PLPPR1: variants seen among roughly 807,000 people sequenced by gnomAD.
PLPPR1 encodes phospholipid phosphatase-related protein type 1.
In PLPPR1, 10 loss-of-function variants were observed where a neutral mutation model predicts 33.1. That is an observed-to-expected ratio of 0.30 (90% CI 0.19 to 0.51). PLPPR1 has a LOEUF of 0.51. Among genes scored for constraint, PLPPR1 ranks in the 20% least tolerant of loss-of-function variants. The pLI, the probability that PLPPR1 is intolerant of heterozygous loss-of-function variation, is 0.97. For synonymous variants in PLPPR1, 151 were observed against 151.0 expected (o/e 1.00, Z 0.00); for missense variants, 304 against 408.1 (o/e 0.74, Z 2.20).
chr9:101,207,900 C>G (rs1826619508), intron 2 of PLPPR1, among the ~76,000 whole-genome samples: 1 of 152,098 alleles, frequency 6.6e-6, no homozygotes, highest in Non-Finnish European at 1.5e-5. Flanking sequence ...GGAAAGGTCT[C>G]AAATGAAAAG....
chr9:101,315,948 T>C (rs1829043312), intron 6 of PLPPR1, among the ~76,000 whole-genome samples: 1 of 152,218 alleles, frequency 6.6e-6, no homozygotes. Flanking sequence ...TACCACATGC[T>C]GTATGCTTTA....
At chr9:101,241,083 C>T (rs1398925247) in intron 2 of PLPPR1, among the ~76,000 whole-genome samples, 3 of 152,022 alleles carry the variant, frequency 2.0e-5, no homozygotes, top group Admixed American at 2.0e-4. Flanking sequence ...TTATAATTTT[C>T]TAAAAATAAT....
rs530034460 is a variant in PLPPR1 at position 101,033,883 on chromosome 9, G to A, written c.-46+4781G>A. Among the ~76,000 whole-genome samples, 6 of 152,254 alleles carry A rather than the reference G, an allele frequency of 3.9e-5. No individual in the cohort carries two copies. The South Asian group carries it at 1.2e-3, about 32-fold the overall frequency. Reference sequence around the variant, plus strand: ...TACAAGCAATTTCCTTTCATCAAATGTATAAATTACCAGGATGATTTTAAG... The same window carrying A: ...TACAAGCAATTTCCTTTCATCAAATATATAAATTACCAGGATGATTTTAAG... On this transcript the variant is annotated intron_variant, in intron 1 of 7. Coordinates refer to ENST00000374874, the MANE Select transcript of PLPPR1 (RefSeq NM_207299.2).
chr9:101,300,738 C>G (rs1828736654), intron 4 of PLPPR1, among the ~76,000 whole-genome samples: 2 of 152,204 alleles, frequency 1.3e-5, no homozygotes, highest in South Asian at 4.1e-4. Context: ...TTGGTAGCTA[C>G]ATTTTTTTCT....
At chr9:101,118,280 G>T (rs888903756) in intron 1 of PLPPR1, among the ~76,000 whole-genome samples, 1 of 152,188 alleles carries the variant, frequency 6.6e-6, no homozygotes, top group African/African-American at 2.4e-5. Context: ...GTTTAGTGGG[G>T]CTGAGCTGAG....
At chr9:101,068,346 C>T (rs1245707020) in intron 1 of PLPPR1, among the ~76,000 whole-genome samples, 2 of 151,758 alleles carry the variant, frequency 1.3e-5, no homozygotes, top group East Asian at 3.9e-4. Flanking sequence ...GATGGAAGCC[C>T]GAGGGGAAGA....
intron 1 of PLPPR1, among the ~76,000 whole-genome samples, chr9:101,034,988 T>C (rs946582408): frequency 6.6e-6 from 1 of 152,160 alleles, no homozygotes; most frequent in Non-Finnish European, 1.5e-5. Context: ...AGTTGCCCAC[T>C]TCTCACACCT....
At chr9:101,139,003 A>G (rs16919946) in intron 1 of PLPPR1, among the ~76,000 whole-genome samples, 2,713 of 152,264 alleles carry the variant, frequency 0.018, 75 homozygotes, top group African/African-American at 0.062. Flanking sequence ...TGTTTTTACC[A>G]TTAGAACTCA....
intron 5 of PLPPR1, among the ~76,000 whole-genome samples, 165 bp from the exon 6 acceptor site, chr9:101,312,633 T>C (rs184564502): frequency 6.6e-6 from 1 of 152,314 alleles, no homozygotes; most frequent in Admixed American, 6.5e-5. Context: ...ACCTAAATAA[T>C]TTATTAAATA....
intron 1 of PLPPR1, among the ~76,000 whole-genome samples, chr9:101,059,572 A>G (rs1402676657): frequency 6.6e-6 from 1 of 152,146 alleles, no homozygotes; most frequent in African/African-American, 2.4e-5. Context: ...TATATCTGAT[A>G]AGAGGTTAAT....
rs144284111 is a variant in PLPPR1 at position 101,063,655 on chromosome 9, G to A, written c.-46+34553G>A. Among the ~76,000 whole-genome samples, 41 of 152,070 alleles carry A rather than the reference G, an allele frequency of 2.7e-4. No homozygotes were observed. The East Asian group carries it at 7.0e-3, about 26-fold the overall frequency. On this transcript the variant is annotated intron_variant, in intron 1 of 7. Coordinates refer to ENST00000374874, the MANE Select transcript of PLPPR1 (RefSeq NM_207299.2). ...GATCCTGGCATATTTACATCTCAGG[G>A]CCTTTGTCTATGTTGTTCCTCTTCT...
intron 1 of PLPPR1, among the ~76,000 whole-genome samples, chr9:101,122,026 G>T (rs1001237117): frequency 6.6e-6 from 1 of 152,194 alleles, no homozygotes. Context: ...TAGAAAGCTG[G>T]AGCATGTCCA....
chr9:101,310,620 T>C (rs959001575), intron 5 of PLPPR1, among the ~76,000 whole-genome samples: 3 of 152,244 alleles, frequency 2.0e-5, no homozygotes, highest in African/African-American at 4.8e-5. Flanking sequence ...AAAACTCATA[T>C]GGGTTTCTTA....
intron 4 of PLPPR1, among the ~76,000 whole-genome samples, chr9:101,295,046 A>G (rs1013780593): frequency 2.0e-5 from 3 of 152,206 alleles, no homozygotes; most frequent in Non-Finnish European, 4.4e-5. Context: ...GTATATCTCA[A>G]AAACCCCATT....
At chr9:101,057,443 G>A (rs1165576447) in intron 1 of PLPPR1, among the ~76,000 whole-genome samples, 2 of 151,954 alleles carry the variant, frequency 1.3e-5, no homozygotes, top group Non-Finnish European at 2.9e-5. Flanking sequence ...GCATTATCAA[G>A]GTATATCATT....
intron 1 of PLPPR1, among the ~76,000 whole-genome samples, chr9:101,066,457 T>TGGGGTG (rs1053917215): frequency 6.6e-6 from 1 of 151,810 alleles, no homozygotes; most frequent in Non-Finnish European, 1.5e-5. Flanking sequence ...TCCACCTTCA[T>TGGGGTG]GGGGTGGGGG....
chr9:101,107,874 T>C (rs1830995431), intron 1 of PLPPR1, among the ~76,000 whole-genome samples: 1 of 151,348 alleles, frequency 6.6e-6, no homozygotes, highest in African/African-American at 2.5e-5. Context: ...TAAGCCGGTC[T>C]GAAAAGCACA....
intron 2 of PLPPR1, among the ~76,000 whole-genome samples, chr9:101,193,650 G>T (rs1269211721): frequency 6.6e-6 from 1 of 152,164 alleles, no homozygotes; most frequent in South Asian, 2.1e-4. Flanking sequence ...TTTGACATTT[G>T]TATGGTATTT....
At chr9:101,164,146 T>G (rs1825814235) in intron 1 of PLPPR1, among the ~76,000 whole-genome samples, 1 of 152,070 alleles carries the variant, frequency 6.6e-6, no homozygotes, top group Admixed American at 6.6e-5. Context: ...AGAGAAGAAG[T>G]TGATGTGGTG....
Sources: allele counts gnomAD v4.1 joint callset (sites outside exome capture counted in the v4.1 genomes callset), GRCh38; gene constraint gnomAD v4.1.1; transcripts MANE v1.5; gene names NCBI Gene and HGNC (gene_info 2026-07-23, HGNC 2026-07-21).